MED13L: variants seen among roughly 807,000 people sequenced by gnomAD.
MED13L encodes mediator of RNA polymerase II transcription subunit 13-like.
In MED13L, 7 loss-of-function variants were observed where a neutral mutation model predicts 220.9. The ratio of observed to expected loss-of-function variants is 0.03; its 90% confidence interval spans 0.02 to 0.06. The LOEUF (loss-of-function observed/expected upper bound fraction) is 0.06, where lower values mean the gene tolerates loss of function less well. MED13L is among the 10% of genes least tolerant of loss of function. MED13L has a pLI of 1.00. For missense variants in MED13L, 1,965 were observed against 2,760.5 expected (o/e 0.71, Z 6.46); for synonymous variants, 1,011 against 1,015.2 (o/e 1.00, Z 0.08).
At chr12:116,102,444 A>G (rs1873134147) in intron 3 of MED13L, among the ~76,000 whole-genome samples, 1 of 152,196 alleles carries the variant, frequency 6.6e-6, no homozygotes, top group Non-Finnish European at 1.5e-5. Context: ...TAATCTCAAC[A>G]AAATTACATC....
chr12:116,000,239 A>G (rs1878653932), intron 14 of MED13L, among the ~76,000 whole-genome samples: 1 of 152,236 alleles, frequency 6.6e-6, no homozygotes, highest in Non-Finnish European at 1.5e-5. Flanking sequence ...AAGCAGAAAG[A>G]ACACACAGAC....
intron 2 of MED13L, among the ~76,000 whole-genome samples, chr12:116,190,474 C>T (rs1019948202): frequency 6.6e-6 from 1 of 152,174 alleles, no homozygotes; most frequent in Non-Finnish European, 1.5e-5. Flanking sequence ...TTGCTCACTA[C>T]ATCAAATCTG....
chr12:116,237,982 CACTT>C (rs961050402), intron 1 of MED13L, among the ~76,000 whole-genome samples: 57 of 152,264 alleles, frequency 3.7e-4, no homozygotes, highest in African/African-American at 1.3e-3. Context: ...TTTGTCTAAA[CACTT>C]ACTATAAAGT....
At chr12:116,135,629 G>A (rs982814753) in intron 2 of MED13L, among the ~76,000 whole-genome samples, 14 of 152,182 alleles carry the variant, frequency 9.2e-5, no homozygotes, top group Middle Eastern at 3.4e-3. Context: ...TGGAGCAAGT[G>A]GTAAGATCAC....
At chr12:116,060,020 C>T (rs1453162387) in intron 4 of MED13L, among the ~76,000 whole-genome samples, 1 of 152,146 alleles carries the variant, frequency 6.6e-6, no homozygotes, top group Non-Finnish European at 1.5e-5. Context: ...CTTTTCTACA[C>T]TGCAGGGCAA....
chr12:116,108,428 C>A (rs970724320), intron 3 of MED13L, among the ~76,000 whole-genome samples: 1 of 145,824 alleles, frequency 6.9e-6, no homozygotes, highest in South Asian at 2.2e-4. Flanking sequence ...GTGAGCTGTG[C>A]GTAATTTTCA....
At chr12:116,018,014 A>T (rs1017081167) in intron 7 of MED13L, among the ~76,000 whole-genome samples, 1 of 152,080 alleles carries the variant, frequency 6.6e-6, no homozygotes, top group African/African-American at 2.4e-5. Flanking sequence ...TCTCCCACAA[A>T]ACATCTGAGT....
chr12:116,194,177 T>C (rs999171552), intron 2 of MED13L, among the ~76,000 whole-genome samples: 4 of 151,644 alleles, frequency 2.6e-5, no homozygotes, highest in Non-Finnish European at 5.9e-5. Context: ...CTTCTTTTTT[T>C]CTTTTGAGAC....
intron 2 of MED13L, among the ~76,000 whole-genome samples, chr12:116,157,592 C>CA (rs1455885027): frequency 1.3e-5 from 2 of 152,236 alleles, no homozygotes; most frequent in African/African-American, 4.8e-5. Flanking sequence ...TACCTGAGTG[C>CA]AAGAGCACTA....
chr12:115,990,832 T>A (rs1878008546), intron 17 of MED13L, among the ~76,000 whole-genome samples, 188 bp downstream of exon 17: 1 of 152,172 alleles, frequency 6.6e-6, no homozygotes. Flanking sequence ...CCAAAGGCAT[T>A]TCAATATAAA....
At chr12:116,196,989 T>A (rs1480452603) in intron 2 of MED13L, among the ~76,000 whole-genome samples, 1 of 152,250 alleles carries the variant, frequency 6.6e-6, no homozygotes, top group East Asian at 1.9e-4. Context: ...AGATATATAG[T>A]AGTTTGAACA....
intron 2 of MED13L, among the ~76,000 whole-genome samples, chr12:116,189,659 G>A (rs892587356): frequency 6.6e-6 from 1 of 152,164 alleles, no homozygotes; most frequent in Non-Finnish European, 1.5e-5. Flanking sequence ...TTTGCATAAA[G>A]TTTGAGACAG....
At chr12:116,225,128 C>T (rs559584356) in intron 2 of MED13L, among the ~76,000 whole-genome samples, 2 of 152,336 alleles carry the variant, frequency 1.3e-5, no homozygotes, top group South Asian at 4.1e-4. Context: ...CCCAGGACAT[C>T]CCATTAAAGT....
chr12:116,206,301 GA>G (rs1334058691), intron 2 of MED13L, among the ~76,000 whole-genome samples: 1 of 151,784 alleles, frequency 6.6e-6, no homozygotes, highest in Non-Finnish European at 1.5e-5. Flanking sequence ...GGCTAGTCTC[GA>G]ACTCCTGACC....
chr12:116,174,787 G>C (rs767708019), intron 2 of MED13L: 7 of 152,220 alleles, frequency 4.6e-5, no homozygotes, highest in Non-Finnish European at 1.0e-4. Flanking sequence ...ACCCAGCCAG[G>C]CACAGTGGTT....
chr12:116,155,338 G>A (rs183410061), intron 2 of MED13L, among the ~76,000 whole-genome samples: 1 of 152,256 alleles, frequency 6.6e-6, no homozygotes, highest in African/African-American at 2.4e-5. Context: ...TGGGAGGATT[G>A]CTTGAGCCCA....
intron 4 of MED13L, among the ~76,000 whole-genome samples, chr12:116,056,236 G>T (rs1324496588): frequency 6.6e-6 from 1 of 151,738 alleles, no homozygotes; most frequent in Non-Finnish European, 1.5e-5. Context: ...TCCTAATAAT[G>T]TATGCATTTT....
chr12:115,965,176 T>A (rs1876059223), intron 29 of MED13L, among the ~76,000 whole-genome samples: 1 of 152,220 alleles, frequency 6.6e-6, no homozygotes, highest in Non-Finnish European at 1.5e-5. Context: ...TGAATGTGCA[T>A]ATCTTATAGA....
rs1879222419 is a variant in MED13L at position 116,008,948 on chromosome 12, G to A, written c.1465C>T (p.His489Tyr). 6.2e-7 allele frequency: 1 copy of A among 1,613,954 alleles called. No homozygotes were observed. Among genetic ancestry groups the A allele is most frequent in the Admixed American group, 1.7e-5 (1 of 60,000 alleles). Residue 489 changes from histidine to tyrosine, a missense_variant, in exon 10 of 31, where the codon CAT (histidine) becomes TAT (tyrosine). His to Tyr is a moderately conservative substitution (Grantham distance 83). Around this residue, in one of 10 missense-constraint regions of MED13L, gnomAD observed 818 missense variants for 1,041.2 expected, o/e 0.79. Transcript: ENST00000281928. ...AATTCTTCGGCCACAGAGGGCCTAT[G>A]GTGAAATGGTATTAAGGGTCTCTTT... ...LQKRPLIPFH[H>Y]RPSVAEELCM... is the part of the protein sequence containing the mutation.
Sources: allele counts gnomAD v4.1 joint callset (sites outside exome capture counted in the v4.1 genomes callset), GRCh38; gene constraint gnomAD v4.1.1; regional missense constraint gnomAD v4.1.1; transcripts MANE v1.5; gene names NCBI Gene and HGNC (gene_info 2026-07-23, HGNC 2026-07-21).